SLC9A6: variants seen among roughly 807,000 people sequenced by gnomAD.
SLC9A6 encodes the protein sodium/hydrogen exchanger 6.
SLC9A6 carries 6 observed loss-of-function variants against 45.3 expected under a neutral mutation model. That is an observed-to-expected ratio of 0.13 (90% CI 0.07 to 0.26). The LOEUF (loss-of-function observed/expected upper bound fraction) is 0.26. Among genes scored for constraint, SLC9A6 ranks in the 10% least tolerant of loss-of-function variants. The pLI, the probability that SLC9A6 is intolerant of heterozygous loss-of-function variation, is 1.00. For synonymous variants in SLC9A6, 191 were observed against 187.7 expected, an observed-to-expected ratio of 1.02 and a Z score of -0.14; for missense variants, 278 against 503.7, an observed-to-expected ratio of 0.55 and a Z score of 4.29.
At chrX:136,011,848 T>C (rs1209846059) in intron 8 of SLC9A6, among the ~76,000 whole-genome samples, 1 of 111,062 alleles carries the variant, frequency 9.0e-6, no homozygotes, top group Non-Finnish European at 1.9e-5. Flanking sequence ...CCTAGCACTT[T>C]GGGAGGCCAT....
chrX:136,032,072 T>C (rs971360922), intron 15 of SLC9A6, among the ~76,000 whole-genome samples: 16 of 112,083 alleles, frequency 1.4e-4, no homozygotes, highest in South Asian at 7.4e-4. Flanking sequence ...TATTTATTTA[T>C]TTACTTACTT....
chrX:136,001,036 A>G (rs2089574339), intron 6 of SLC9A6, among the ~76,000 whole-genome samples: 1 of 110,631 alleles, frequency 9.0e-6, no homozygotes, highest in South Asian at 3.8e-4. Context: ...TATGATTGGC[A>G]TTTGAAAAGG....
In SLC9A6 at chrX:136,015,133, C is replaced by G. The variant is rs180682821; in HGVS notation, c.1081-1512C>G. Among the ~76,000 whole-genome samples, 4 of 113,157 alleles carry G rather than the reference C, an allele frequency of 3.5e-5. No individual in the cohort carries two copies. In the East Asian group the frequency reaches 1.1e-3, roughly 31 times the overall value. On this transcript the variant is annotated intron_variant, in intron 10 of 17. Transcript: ENST00000630721. ...TTGCCAGTGAGCTAAGCATGGTTTT[C>G]TTTCCATCCATTTTTAATTGGTTGG...
chrX:135,989,592 T>G (rs1455265448), intron 2 of SLC9A6, among the ~76,000 whole-genome samples: 1 of 112,389 alleles, frequency 8.9e-6, no homozygotes, highest in Non-Finnish European at 1.9e-5. Flanking sequence ...GGCTCATACC[T>G]TATTTCTCAT....
chrX:136,034,419 G>A (rs932024971), intron 16 of SLC9A6, among the ~76,000 whole-genome samples: 2 of 111,629 alleles, frequency 1.8e-5, no homozygotes, highest in Non-Finnish European at 3.8e-5. Flanking sequence ...GGTCCCTGGT[G>A]CCAAAAGAGT....
upstream of SLC9A6, chrX:135,973,988 G>A: frequency 1.0e-6 from 1 of 954,828 alleles, no homozygotes; most frequent in Non-Finnish European, 1.4e-6. Flanking sequence ...GAAGCGAAGA[G>A]GAAGGGCGCC....
At chrX:136,022,284 G>C (rs781892324) in intron 11 of SLC9A6, among the ~76,000 whole-genome samples, 1 of 112,126 alleles carries the variant, frequency 8.9e-6, no homozygotes, top group Non-Finnish European at 1.9e-5. Flanking sequence ...TGCTCTGTCT[G>C]ATTTGGTAGC....
intron 11 of SLC9A6, among the ~76,000 whole-genome samples, chrX:136,019,661 A>G (rs1053629024): frequency 8.9e-6 from 1 of 112,642 alleles, no homozygotes; most frequent in South Asian, 3.7e-4. Flanking sequence ...TTGTGAAGAT[A>G]ATACAGAAAG....
chrX:136,004,394 C>T (rs1556617710), intron 7 of SLC9A6, among the ~76,000 whole-genome samples: 1 of 111,189 alleles, frequency 9.0e-6, no homozygotes, highest in African/African-American at 3.3e-5. Context: ...TGGCCCCTGC[C>T]TACCTACTCT....
intron 13 of SLC9A6, among the ~76,000 whole-genome samples, chrX:136,028,335 T>G (rs782008727): frequency 8.9e-6 from 1 of 111,767 alleles, no homozygotes; most frequent in African/African-American, 3.3e-5. Flanking sequence ...AGCAGCCAAG[T>G]CCAGATTTGA....
At chrX:136,001,738 C>T (rs1183338646) in intron 6 of SLC9A6, among the ~76,000 whole-genome samples, 1 of 112,267 alleles carries the variant, frequency 8.9e-6, no homozygotes, top group Non-Finnish European at 1.9e-5. Context: ...AGATTCTTTT[C>T]ATAATATTCT....
Position 135,998,902 on chromosome X carries a change from C to T in SLC9A6, c.571C>T (p.Leu191Phe). The change falls in exon 6 of 18, where the codon CTT (leucine) becomes TTT (phenylalanine). Residue 191 changes from leucine to phenylalanine, a missense_variant. By Grantham distance (22) the Leu-to-Phe change is conservative. Around this residue, in one of 5 missense-constraint regions of SLC9A6, gnomAD observed 118 missense variants for 209.9 expected, o/e 0.56. Transcript: ENST00000630721. ...CVTLMKVTGQLAGDFYFTDCL... is the reference protein window; with the variant it reads ...CVTLMKVTGQFAGDFYFTDCL... Reference sequence around the variant, plus strand: ...AACGCTGATGAAGGTAACGGGACAACTTGCAGGAGATTTTTACTTTACAGA... The same window carrying T: ...AACGCTGATGAAGGTAACGGGACAATTTGCAGGAGATTTTTACTTTACAGA... 8.3e-7 allele frequency: 1 copy of T among 1,209,369 alleles called. No homozygotes were observed. Among genetic ancestry groups the T allele is most frequent in the Non-Finnish European group, 1.1e-6 (1 of 893,388 alleles).
intron 3 of SLC9A6, 27 bp downstream of exon 3, chrX:135,995,012 T>G: frequency 1.9e-6 from 2 of 1,037,977 alleles, no homozygotes; most frequent in African/African-American, 1.8e-5. Flanking sequence ...AATCTTTGAA[T>G]CTTTTTTGTG....
chrX:136,008,153 A>G (rs1435227090), intron 7 of SLC9A6, among the ~76,000 whole-genome samples: 1 of 112,491 alleles, frequency 8.9e-6, no homozygotes, highest in East Asian at 2.8e-4. Flanking sequence ...CAAATGTCTA[A>G]CAATGAGGAA....
At chrX:136,026,778 C>T (rs1056668479) in intron 13 of SLC9A6, among the ~76,000 whole-genome samples, 6 of 112,054 alleles carry the variant, frequency 5.4e-5, no homozygotes, top group African/African-American at 9.7e-5. Context: ...TCAAGTGATT[C>T]GCCCGCCTCA....
intron 10 of SLC9A6, among the ~76,000 whole-genome samples, chrX:136,015,616 CG>C (rs1470344200): frequency 9.0e-6 from 1 of 111,272 alleles, no homozygotes; most frequent in Non-Finnish European, 1.9e-5. Context: ...ATCAGACACA[CG>C]GTAAAAACTG....
intron 1 of SLC9A6, among the ~76,000 whole-genome samples, chrX:135,976,034 C>CCT (rs1443665422): frequency 1.9e-5 from 2 of 105,219 alleles, no homozygotes; most frequent in Non-Finnish European, 3.9e-5. Flanking sequence ...AATCATATTT[C>CCT]CTCAACTTTA....
chrX:135,991,953 A>T (rs2089438753), intron 2 of SLC9A6, among the ~76,000 whole-genome samples: 1 of 110,772 alleles, frequency 9.0e-6, no homozygotes, highest in Non-Finnish European at 1.9e-5. Flanking sequence ...TCCCCTGGCG[A>T]TCTCATCTAC....
At chrX:136,003,770 T>G (rs943183798) in intron 7 of SLC9A6, among the ~76,000 whole-genome samples, 1 of 112,331 alleles carries the variant, frequency 8.9e-6, no homozygotes, top group African/African-American at 3.2e-5. Context: ...CCTCACAGTT[T>G]CGCCAGCAGA....
Sources: gnomAD v4.1 joint callset for allele counts (sites outside exome capture counted in the v4.1 genomes callset) on GRCh38, gnomAD v4.1.1 for gene constraint, gnomAD v4.1.1 regional missense constraint, MANE v1.5 for transcripts, NCBI Gene and HGNC (gene_info 2026-07-23, HGNC 2026-07-21) for gene names.